Variants in CEP63 observed in about 807,000 individuals in gnomAD.
The protein encoded by CEP63 is centrosomal protein 63, also known as centrosomal protein of 63 kDa.
Under a neutral mutation model 89.1 loss-of-function variants are expected in CEP63, and 84 were observed. That is an observed-to-expected ratio of 0.94 (90% CI 0.79 to 1.13). The LOEUF (loss-of-function observed/expected upper bound fraction) is 1.13, where lower values mean the gene tolerates loss of function less well. CEP63 is among the 50% of genes most tolerant of loss of function. The pLI is 0.00. For missense variants in CEP63, 838 were observed against 813.3 expected, an observed-to-expected ratio of 1.03 and a Z score of -0.37; for synonymous variants, 267 against 272.5, an observed-to-expected ratio of 0.98 and a Z score of 0.20.
At chr3:134,701,180 T>TTA in the CEP63 span, among the ~76,000 whole-genome samples, 103 of 127,504 alleles carry the variant, frequency 8.1e-4, no homozygotes, top group African/African-American at 2.4e-3. Flanking sequence ...CATACATACA[T>TTA]TATATATATA....
chr3:134,749,526 C>G, the CEP63 span, among the ~76,000 whole-genome samples: 1 of 151,702 alleles, frequency 6.6e-6, no homozygotes, highest in East Asian at 1.9e-4. Context: ...AATAAAACTT[C>G]AATGGTTTGG....
chr3:134,772,833 C>T, the CEP63 span, among the ~76,000 whole-genome samples: 49 of 152,284 alleles, frequency 3.2e-4, no homozygotes, highest in Non-Finnish European at 5.0e-4. Flanking sequence ...GAGCTGAAGG[C>T]GGGTTCCCAG....
At chr3:134,560,801 T>A (rs1957210924) in intron 14 of CEP63, among the ~76,000 whole-genome samples, 1 of 152,222 alleles carries the variant, frequency 6.6e-6, no homozygotes, top group South Asian at 2.1e-4. Flanking sequence ...CTGTGTTTGC[T>A]AATTCAGTGT....
chr3:134,612,785 G>GTGTGTGTT, the CEP63 span, among the ~76,000 whole-genome samples: 6 of 151,412 alleles, frequency 4.0e-5, no homozygotes, highest in Non-Finnish European at 8.8e-5. Context: ...GTGTGTGTGT[G>GTGTGTGTT]TGTGTGTGTG....
At chr3:134,684,275 C>A in the CEP63 span, among the ~76,000 whole-genome samples, 2 of 152,144 alleles carry the variant, frequency 1.3e-5, no homozygotes, top group African/African-American at 4.8e-5. Flanking sequence ...AGGGAACTAT[C>A]TCTCTATTTC....
At chr3:134,516,494 C>T (rs992021069) in intron 3 of CEP63, among the ~76,000 whole-genome samples, 3 of 152,176 alleles carry the variant, frequency 2.0e-5, no homozygotes, top group Non-Finnish European at 4.4e-5. Context: ...GGGTGTCGGG[C>T]TGGGGGACGG....
chr3:134,665,752 C>A, the CEP63 span, among the ~76,000 whole-genome samples: 3 of 148,368 alleles, frequency 2.0e-5, no homozygotes, highest in Admixed American at 1.3e-4. Flanking sequence ...CAGACAGAGA[C>A]ATTGAGAGAC....
At chr3:134,725,773 T>C in the CEP63 span, among the ~76,000 whole-genome samples, 1 of 152,108 alleles carries the variant, frequency 6.6e-6, no homozygotes, top group Non-Finnish European at 1.5e-5. Flanking sequence ...TGCTCCAGTG[T>C]CTCCTTCCAG....
At chr3:134,568,814 A>T (rs1266436582), downstream of CEP63, among the ~76,000 whole-genome samples, 1 of 152,192 alleles carries the variant, frequency 6.6e-6, no homozygotes, top group African/African-American at 2.4e-5. Flanking sequence ...GATCCAAAAT[A>T]TTTGAAGTAT....
chr3:134,684,316 C>T, the CEP63 span, among the ~76,000 whole-genome samples: 10,935 of 152,188 alleles, frequency 0.072, 1,246 homozygotes, highest in African/African-American at 0.25. Context: ...GAGATCATGC[C>T]GCCCAGATAA....
chr3:134,639,484 T>C, the CEP63 span, among the ~76,000 whole-genome samples: 18 of 152,302 alleles, frequency 1.2e-4, no homozygotes, highest in African/African-American at 4.1e-4. Context: ...GGACCATTCA[T>C]GATTCCTTCT....
At chr3:134,765,833 G>A in the CEP63 span, among the ~76,000 whole-genome samples, 1 of 152,140 alleles carries the variant, frequency 6.6e-6, no homozygotes, top group Admixed American at 6.5e-5. Flanking sequence ...GTAACTCTGG[G>A]GGTGAGGCCC....
the CEP63 span, among the ~76,000 whole-genome samples, chr3:134,675,759 C>T: frequency 5.9e-5 from 9 of 152,174 alleles, no homozygotes; most frequent in South Asian, 2.1e-4. Context: ...TACTAATGAC[C>T]GGTAAGCACA....
chr3:134,764,597 C>A, the CEP63 span, among the ~76,000 whole-genome samples: 3 of 152,182 alleles, frequency 2.0e-5, no homozygotes, highest in African/African-American at 7.2e-5. Context: ...GCTCACTGGA[C>A]CCTGCCGGTG....
Position 134,564,860 on chromosome 3 carries a change from A to G in CEP63, c.*3325A>G. 1.0e-6 allele frequency: 1 copy of G among 985,280 alleles called. No individual in the cohort carries two copies. Among genetic ancestry groups the G allele is most frequent in the Non-Finnish European group, 1.2e-6 (1 of 829,792 alleles). 61.0% of individuals were successfully genotyped at this position (985,280 alleles called of 1,614,324 possible). On this transcript the variant is annotated 3_prime_UTR_variant, in exon 15 of 15. Coordinates refer to ENST00000675561, the MANE Select transcript of CEP63 (RefSeq NM_001353108.3). ...ACTCTGTAGTCACCGGAAATACTTAAGGAATCATGAGGTACTATGTATTTC... is the reference window on the plus strand; with the variant it reads ...ACTCTGTAGTCACCGGAAATACTTAGGGAATCATGAGGTACTATGTATTTC...
Position 134,545,805 on chromosome 3 carries a change from G to A in CEP63, c.775G>A (p.Glu259Lys), listed in dbSNP as rs769261224. 6.2e-7 allele frequency: 1 copy of A among 1,611,758 alleles called. No homozygotes were observed. Among genetic ancestry groups the A allele is most frequent in the South Asian group, 1.1e-5 (1 of 90,906 alleles). Residue 259 changes from glutamate (E) to lysine (K), a missense_variant, in exon 7 of 15, where the codon GAA (glutamate) becomes AAA (lysine). Transcript: ENST00000675561. ...AAAAGAAGAAAAATTGAGGGAATCT[G>A]AAAAACTATTAGAGGTATGTTTTAA... ...QQKEEKLRES[E>K]KLLEALQEEK...
intron 1 of CEP63, among the ~76,000 whole-genome samples, chr3:134,494,322 G>A (rs1036806260): frequency 6.6e-6 from 1 of 151,358 alleles, no homozygotes; most frequent in African/African-American, 2.4e-5. Context: ...TACCATGTTG[G>A]CCAGGCTGGT....
At chr3:134,603,834 C>T in the CEP63 span, 2 of 1,614,022 alleles carry the variant, frequency 1.2e-6, no homozygotes, top group Non-Finnish European at 1.7e-6. Context: ...GCTCATTGTC[C>T]TGTCCCCAGT....
downstream of CEP63, among the ~76,000 whole-genome samples, chr3:134,566,145 C>G (rs1420132704): frequency 6.7e-6 from 1 of 149,840 alleles, no homozygotes; most frequent in African/African-American, 2.5e-5. Flanking sequence ...TTTTTTCCCT[C>G]TCTGTGAGGA....
Sources: allele counts gnomAD v4.1 joint callset (sites outside exome capture counted in the v4.1 genomes callset), GRCh38; gene constraint gnomAD v4.1.1; transcripts MANE v1.5; gene names NCBI Gene and HGNC (gene_info 2026-07-23, HGNC 2026-07-21).